The following MDGA2 variants were observed in gnomAD, a reference collection of about 807,000 sequenced individuals.
MDGA2 encodes the protein MAM domain containing glycosylphosphatidylinositol anchor 2.
A neutral mutation model predicts 117.8 loss-of-function variants in MDGA2; 40 were observed. That is an observed-to-expected ratio of 0.34 (90% CI 0.26 to 0.44). The LOEUF (loss-of-function observed/expected upper bound fraction) is 0.44. MDGA2 is among the 20% of genes least tolerant of loss of function. The probability of loss-of-function intolerance (pLI) is 1.00; values close to 1 mark genes in which losing one functional copy is unlikely to be tolerated. For missense variants in MDGA2, 1,123 were observed against 1,250.6 expected, an observed-to-expected ratio of 0.90 and a Z score of 1.54; for synonymous variants, 452 against 439.0, an observed-to-expected ratio of 1.03 and a Z score of -0.37.
intron 3 of MDGA2, among the ~76,000 whole-genome samples, chr14:47,204,819 T>C (rs1288840565): frequency 6.6e-6 from 1 of 151,982 alleles, no homozygotes; most frequent in Non-Finnish European, 1.5e-5. Context: ...ACTACCAACA[T>C]TATATATTCT....
chr14:47,055,706 C>T (rs555308612), intron 7 of MDGA2, among the ~76,000 whole-genome samples: 1 of 152,192 alleles, frequency 6.6e-6, no homozygotes, highest in African/African-American at 2.4e-5. Context: ...GCATTACAGC[C>T]TGTGGGCAAA....
At chr14:47,620,195 A>C (rs1228160848) in intron 1 of MDGA2, among the ~76,000 whole-genome samples, 2 of 152,252 alleles carry the variant, frequency 1.3e-5, no homozygotes, top group East Asian at 3.8e-4. Context: ...TGGCAACAGA[A>C]TATTTTATCA....
At chr14:47,583,510 A>C (rs561302639) in intron 1 of MDGA2, among the ~76,000 whole-genome samples, 13 of 152,014 alleles carry the variant, frequency 8.6e-5, no homozygotes, top group Admixed American at 6.6e-4. Context: ...TATTTCAAAT[A>C]CGTATGTTGA....
At chr14:47,125,328 T>C (rs571006903) in intron 5 of MDGA2, among the ~76,000 whole-genome samples, 1 of 152,276 alleles carries the variant, frequency 6.6e-6, no homozygotes, top group South Asian at 2.1e-4. Flanking sequence ...TAAGATATTT[T>C]CTTTTTCATA....
intron 15 of MDGA2, among the ~76,000 whole-genome samples, chr14:46,849,790 A>G (rs1187030816): frequency 6.6e-6 from 1 of 151,822 alleles, no homozygotes; most frequent in Non-Finnish European, 1.5e-5. Flanking sequence ...CATCATTTCC[A>G]TCATTTATTT....
chr14:47,102,711 T>A (rs1039778558), intron 5 of MDGA2, among the ~76,000 whole-genome samples: 2 of 152,170 alleles, frequency 1.3e-5, no homozygotes, highest in African/African-American at 4.8e-5. Context: ...GGAGCCTGGC[T>A]CAGGTGCTTA....
chr14:47,113,879 T>A (rs893097168), intron 5 of MDGA2, among the ~76,000 whole-genome samples: 3 of 151,898 alleles, frequency 2.0e-5, no homozygotes, highest in Admixed American at 1.3e-4. Context: ...CCAACCCTAA[T>A]CAACATAGTA....
rs60442845 is a variant in MDGA2 at position 47,018,733 on chromosome 14, G to GAAAAAAAAAAAAAA, written c.1819+16264_1819+16277dup. On this transcript the variant is annotated intron_variant, in intron 8 of 16. Coordinates refer to ENST00000399232, the MANE Select transcript of MDGA2 (RefSeq NM_001113498.3). ...ACTGTAAGGCTCAAGCCATTTTACTGAAAAAAAAAAAAAAAAAAAAAAAAA... is the reference window on the plus strand; with the variant it reads ...ACTGTAAGGCTCAAGCCATTTTACTGAAAAAAAAAAAAAAAAAAAAAAAAAAAAAAAAAAAAAAA... Among the ~76,000 whole-genome samples, 15 of 38,652 alleles carry GAAAAAAAAAAAAAA rather than the reference G, an allele frequency of 3.9e-4. 1 individual carries two copies. Among genetic ancestry groups the GAAAAAAAAAAAAAA allele is most frequent in the African/African-American group, 1.7e-3 (15 of 8,814 alleles). The allele number at this position is 38,652 out of a possible 152,430, so 25.4% of individuals were successfully genotyped here. A position where few individuals can be genotyped will look rare whatever the true frequency, so the allele number is the denominator to read the frequency against.
intron 1 of MDGA2, among the ~76,000 whole-genome samples, chr14:47,563,578 G>GGTTTTTTTT (rs1895857035): frequency 5.3e-5 from 3 of 56,944 alleles, no homozygotes; most frequent in African/African-American, 2.8e-4. Flanking sequence ...GCTTTTTTCT[G>GGTTTTTTTT]TTTTTTTTTT....
At chr14:47,113,247 C>A (rs1881143356) in intron 5 of MDGA2, among the ~76,000 whole-genome samples, 1 of 151,962 alleles carries the variant, frequency 6.6e-6, no homozygotes, top group South Asian at 2.1e-4. Context: ...CACATGCACC[C>A]TCCCAAGTTG....
chr14:46,988,452 T>C (rs1406007595), intron 8 of MDGA2, among the ~76,000 whole-genome samples: 1 of 152,042 alleles, frequency 6.6e-6, no homozygotes, highest in East Asian at 1.9e-4. Context: ...AAGGTTAGAT[T>C]CTGACATGTT....
intron 1 of MDGA2, among the ~76,000 whole-genome samples, chr14:47,433,178 C>G (rs1002886381): frequency 6.6e-6 from 1 of 152,038 alleles, no homozygotes; most frequent in Non-Finnish European, 1.5e-5. Flanking sequence ...ATAAGATGGT[C>G]ACAACCACAG....
chr14:47,054,994 TTTC>T lies in MDGA2; in HGVS notation c.1525+6252_1525+6254del, dbSNP rs1464008919. ...GCTTGTCCCCGTTGTCCAATTTTTT[TTTC>T]TTTTCTTTTTTTTTTTTTTTTTCCA... is the stretch of plus-strand genomic sequence containing the variant. On this transcript the variant is annotated intron_variant, in intron 7 of 16. Transcript: ENST00000399232. Among the ~76,000 whole-genome samples the T allele has an allele frequency of 2.8e-3, 266 of 94,820 alleles. 1 individual carries two copies. The highest frequency in any genetic ancestry group is 0.01 in the African/African-American group (246 of 23,488). 62.2% of individuals were successfully genotyped at this position (94,820 alleles called of 152,430 possible).
intron 6 of MDGA2, among the ~76,000 whole-genome samples, chr14:47,075,033 C>T (rs1280583106): frequency 1.3e-5 from 2 of 152,096 alleles, no homozygotes; most frequent in South Asian, 2.1e-4. Context: ...CATAATCAAA[C>T]CTTTCCCCGC....
intron 8 of MDGA2, among the ~76,000 whole-genome samples, chr14:46,969,664 A>G (rs1422969278): frequency 6.7e-6 from 1 of 150,082 alleles, no homozygotes; most frequent in Non-Finnish European, 1.5e-5. Flanking sequence ...TTTGTCAGAT[A>G]AGTAGATCGC....
intron 3 of MDGA2, among the ~76,000 whole-genome samples, chr14:47,162,015 G>A (rs190456266): frequency 6.8e-5 from 8 of 117,616 alleles, no homozygotes; most frequent in East Asian, 5.9e-4. Flanking sequence ...GCACAATCCC[G>A]GCTCACTGCA....
chr14:47,650,698 G>A (rs148095814), intron 1 of MDGA2, among the ~76,000 whole-genome samples: 1 of 152,100 alleles, frequency 6.6e-6, no homozygotes, highest in Non-Finnish European at 1.5e-5. Flanking sequence ...TTGGAAAAAT[G>A]CATAAATGAA....
intron 5 of MDGA2, among the ~76,000 whole-genome samples, chr14:47,120,191 A>G (rs10141856): frequency 0.19 from 28,480 of 152,156 alleles, 2,876 homozygotes; most frequent in East Asian, 0.31. Flanking sequence ...CGTAAAGAGT[A>G]GCTTTAATTG....
At chr14:47,448,972 C>T (rs1893184386) in intron 1 of MDGA2, among the ~76,000 whole-genome samples, 1 of 152,278 alleles carries the variant, frequency 6.6e-6, no homozygotes, top group East Asian at 1.9e-4. Flanking sequence ...AAATCCTACA[C>T]ATTTGGTGCC....
Sources: allele counts gnomAD v4.1 joint callset (sites outside exome capture counted in the v4.1 genomes callset), GRCh38; gene constraint gnomAD v4.1.1; transcripts MANE v1.5; gene names NCBI Gene and HGNC (gene_info 2026-07-23, HGNC 2026-07-21).